PCDH9: variants seen among roughly 807,000 people sequenced by gnomAD.
PCDH9 encodes protocadherin 9.
Under a neutral mutation model 70.6 loss-of-function variants are expected in PCDH9, and 24 were observed. The ratio of observed to expected loss-of-function variants is 0.34; its 90% CI spans 0.25 to 0.48. The LOEUF is 0.48. Ranked by LOEUF, PCDH9 falls within the 20% of genes least tolerant of loss-of-function variation. The pLI, the probability that PCDH9 is intolerant of heterozygous loss-of-function variation, is 0.99. For synonymous variants in PCDH9, 562 were observed against 558.5 expected, an observed-to-expected ratio of 1.01 and a Z score of -0.09; for missense variants, 1,281 against 1,503.6, an observed-to-expected ratio of 0.85 and a Z score of 2.45.
At chr13:66,885,283 G>A (rs1490602246) in intron 3 of PCDH9, among the ~76,000 whole-genome samples, 1 of 152,108 alleles carries the variant, frequency 6.6e-6, no homozygotes, top group Non-Finnish European at 1.5e-5. Flanking sequence ...CAAAATGGGT[G>A]GCAATGAAGA....
intron 2 of PCDH9, among the ~76,000 whole-genome samples, chr13:66,964,273 A>T (rs952140024): frequency 6.6e-6 from 1 of 151,856 alleles, no homozygotes; most frequent in East Asian, 1.9e-4. Context: ...CTCTGTGCTT[A>T]TATTTGTTAC....
chr13:66,471,078 G>A (rs575730469), intron 4 of PCDH9, among the ~76,000 whole-genome samples: 3 of 151,900 alleles, frequency 2.0e-5, no homozygotes, highest in African/African-American at 4.8e-5. Flanking sequence ...ATTCCTTATC[G>A]TGTAAGCCAG....
Position 67,223,717 on chromosome 13 carries a change from T to A in PCDH9, c.3036+1688A>T, listed in dbSNP as rs375863301. On this transcript the variant is annotated intron_variant, in intron 2 of 4. Transcript: ENST00000377865. ...AATACTAACAAAGTTAACACAAAAA[T>A]TAAGTCGTTCTAACTTTGACTTATA... is the stretch of plus-strand genomic sequence containing the variant. 1.1e-4 allele frequency: 16 copies of A among 152,198 alleles called. 1 individual carries two copies. In the East Asian group the frequency reaches 1.7e-3, roughly 17 times the overall value. 9.4% of individuals were successfully genotyped at this position (152,198 alleles called of 1,614,324 possible).
chr13:66,541,802 T>C (rs1478058803), intron 4 of PCDH9, among the ~76,000 whole-genome samples: 14 of 152,132 alleles, frequency 9.2e-5, no homozygotes, highest in Admixed American at 9.2e-4. Context: ...CACTACAGAG[T>C]AGATACTCAG....
chr13:66,708,054 T>TA lies in PCDH9; in HGVS notation c.3139-76644_3139-76643insT, dbSNP rs1396862939. 2.2e-3 allele frequency among the ~76,000 whole-genome samples: 329 copies of TA among 151,650 alleles called. 4 individuals are homozygous for TA. Among genetic ancestry groups the TA allele is most frequent in the South Asian group, 7.9e-3 (38 of 4,816 alleles). On this transcript the variant is annotated intron_variant, in intron 3 of 4. Transcript: ENST00000377865. ...ACTTTTATTTTATTTTATTTTATTT[T>TA]TTTTTTATTTTTTGAGACGGAGTCT...
At chr13:67,208,627 A>C (rs920723706) in intron 2 of PCDH9, 2 of 152,186 alleles carry the variant, frequency 1.3e-5, no homozygotes, top group Non-Finnish European at 2.9e-5. Flanking sequence ...CTTTACTGCT[A>C]TAAGTAAATT....
chr13:66,985,935 T>A (rs1386731112), intron 2 of PCDH9, among the ~76,000 whole-genome samples: 2 of 152,052 alleles, frequency 1.3e-5, no homozygotes, highest in African/African-American at 4.8e-5. Flanking sequence ...CTCTTAGCCA[T>A]GAATATGACA....
At chr13:66,815,981 A>G (rs2080598503) in intron 3 of PCDH9, among the ~76,000 whole-genome samples, 1 of 152,238 alleles carries the variant, frequency 6.6e-6, no homozygotes, top group Non-Finnish European at 1.5e-5. Context: ...AATTAAATTA[A>G]GAACAAATAT....
intron 4 of PCDH9, among the ~76,000 whole-genome samples, chr13:66,377,317 G>A (rs554638021): frequency 6.6e-6 from 1 of 152,040 alleles, no homozygotes; most frequent in Non-Finnish European, 1.5e-5. Context: ...GCCAGTCCCC[G>A]CCCTGAGTTT....
At chr13:66,582,971 T>C (rs2076913014) in intron 4 of PCDH9, among the ~76,000 whole-genome samples, 2 of 152,102 alleles carry the variant, frequency 1.3e-5, no homozygotes, top group South Asian at 4.2e-4. Flanking sequence ...TCTCATCTGG[T>C]TTAGATTCCT....
intron 4 of PCDH9, among the ~76,000 whole-genome samples, chr13:66,370,491 T>C (rs1275905396): frequency 6.6e-6 from 1 of 151,780 alleles, no homozygotes; most frequent in Non-Finnish European, 1.5e-5. Context: ...TGTTTTTTCT[T>C]TTCTTTTTTA....
intron 3 of PCDH9, among the ~76,000 whole-genome samples, chr13:66,676,023 A>T (rs1845500936): frequency 6.6e-6 from 1 of 152,132 alleles, no homozygotes; most frequent in Non-Finnish European, 1.5e-5. Context: ...ACAACTTAGA[A>T]CTGCATCTAG....
chr13:66,413,120 A>C (rs1309849158), intron 4 of PCDH9, among the ~76,000 whole-genome samples: 1 of 152,218 alleles, frequency 6.6e-6, no homozygotes, highest in Non-Finnish European at 1.5e-5. Flanking sequence ...CAGGAAAAAA[A>C]TGCAAGTGCT....
rs902897826 is a variant in PCDH9 at position 66,854,353 on chromosome 13, A to T, written c.3138+49151T>A. On this transcript the variant is annotated intron_variant, in intron 3 of 4. Coordinates refer to ENST00000377865, the MANE Select transcript of PCDH9 (RefSeq NM_203487.3). Reference sequence around the variant, plus strand: ...CTTTCGTTATTATTTTTTATTATAAAATCATCTTTGTACCATTGCTCTCCT... The same window carrying T: ...CTTTCGTTATTATTTTTTATTATAATATCATCTTTGTACCATTGCTCTCCT... Among the ~76,000 whole-genome samples, 4 of 152,198 alleles carry T rather than the reference A, an allele frequency of 2.6e-5. No individual in the cohort carries two copies. The East Asian group carries it at 5.8e-4, about 22-fold the overall frequency.
intron 4 of PCDH9, among the ~76,000 whole-genome samples, chr13:66,413,205 A>G (rs958138661): frequency 6.6e-6 from 1 of 152,198 alleles, no homozygotes; most frequent in African/African-American, 2.4e-5. Context: ...TACAGGATAC[A>G]GTTTCTTGAT....
intron 4 of PCDH9, among the ~76,000 whole-genome samples, chr13:66,400,578 C>A (rs1234549746): frequency 2.0e-5 from 3 of 152,072 alleles, no homozygotes; most frequent in Non-Finnish European, 4.4e-5. Flanking sequence ...CAGATGTTTT[C>A]CAGTCACTAT....
intron 2 of PCDH9, among the ~76,000 whole-genome samples, chr13:67,121,115 T>A (rs1369067343): frequency 6.6e-6 from 1 of 152,192 alleles, no homozygotes; most frequent in African/African-American, 2.4e-5. Flanking sequence ...GACAGACATA[T>A]AAACAAAGAG....
At chr13:66,595,169 T>C (rs1304047738) in intron 4 of PCDH9, among the ~76,000 whole-genome samples, 1 of 151,666 alleles carries the variant, frequency 6.6e-6, no homozygotes, top group Non-Finnish European at 1.5e-5. Context: ...AACATCTCTT[T>C]GAAATGTAAA....
chr13:66,337,598 A>AAAACAAACAAAC (rs71106965), intron 4 of PCDH9, among the ~76,000 whole-genome samples: 21,942 of 151,156 alleles, frequency 0.15, 1,789 homozygotes, highest in East Asian at 0.32. Flanking sequence ...GGTACTTGTT[A>AAAACAAACAAAC]AAACAAACAA....
Sources: gnomAD v4.1 joint callset for allele counts (sites outside exome capture counted in the v4.1 genomes callset) on GRCh38, gnomAD v4.1.1 for gene constraint, MANE v1.5 for transcripts, NCBI Gene and HGNC (gene_info 2026-07-23, HGNC 2026-07-21) for gene names.